The following CYB561D2 variants were observed in gnomAD, a reference collection of about 807,000 sequenced individuals.
CYB561D2 encodes the protein cytochrome b561 family member D2.
CYB561D2 carries 16 observed loss-of-function variants against 20.2 expected under a neutral mutation model. The observed-to-expected ratio is 0.79, with a 90% CI of 0.53 to 1.20. The LOEUF (loss-of-function observed/expected upper bound fraction) is 1.20, where lower values mean the gene tolerates loss of function less well. Ranked by LOEUF, CYB561D2 falls within the 50% of genes most tolerant of loss-of-function variation. The pLI is 0.00. For missense variants in CYB561D2, 247 were observed against 270.3 expected (o/e 0.91, Z 0.60); for synonymous variants, 135 against 128.3 (o/e 1.05, Z -0.35).
At chr3:50,352,542 T>C (rs1703794003) in intron 3 of CYB561D2, among the ~76,000 whole-genome samples, 1 of 148,356 alleles carries the variant, frequency 6.7e-6, no homozygotes, top group African/African-American at 2.5e-5. Context: ...AAAAATTAGC[T>C]GGGTGTGGTG....
chr3:50,351,680 G>C (rs1703767611), intron 2 of CYB561D2, 120 bp downstream of exon 2: 1 of 1,381,480 alleles, frequency 7.2e-7, no homozygotes, highest in African/African-American at 1.4e-5. Context: ...CTGGAGCGAT[G>C]AGTGAGGTGG....
Position 50,350,869 on chromosome 3 carries a change from G to A in CYB561D2, c.-141G>A. On this transcript the variant is annotated 5_prime_UTR_variant, in exon 1 of 4. Transcript: ENST00000425346. The surrounding 1 kb of genome is among the most constrained non-coding windows in gnomAD (Gnocchi z 5.7). ...AGGAAGTCCTGGGTGGGTAGACGTC[G>A]CACCCGGAAGTAAAGCGGCTCCGTG... is the stretch of plus-strand genomic sequence containing the variant. 1.4e-6 allele frequency: 2 copies of A among 1,403,020 alleles called. No individual in the cohort carries two copies. Among genetic ancestry groups the A allele is most frequent in the East Asian group, 2.7e-5 (1 of 37,178 alleles). The allele number at this position is 1,403,020 out of a possible 1,614,324, so 86.9% of individuals were successfully genotyped here.
intron 3 of CYB561D2, among the ~76,000 whole-genome samples, chr3:50,352,968 A>G (rs1703806831): frequency 6.6e-6 from 1 of 152,212 alleles, no homozygotes. Flanking sequence ...TATAACTGCC[A>G]CATCTCAAAC....
In CYB561D2 at chr3:50,351,024, T is replaced by C. The variant is rs1231610545; in HGVS notation, c.-26+40T>C. On this transcript the variant is annotated intron_variant, in intron 1 of 3. Coordinates refer to ENST00000425346, the MANE Select transcript of CYB561D2 (RefSeq NM_001291284.2). ...TGGAGGGGCAGCATGCTGGCAGCAC[T>C]TGGGGAGGCGGTGCGCTAAGGGATT... 8 of 698,208 alleles carry C rather than the reference T, an allele frequency of 1.1e-5. No individual in the cohort carries two copies. In the Admixed American group the frequency reaches 2.5e-4, roughly 22 times the overall value. 43.3% of individuals were successfully genotyped at this position (698,208 alleles called of 1,614,324 possible).
chr3:50,351,613 G>A, intron 2 of CYB561D2, 53 bp downstream of exon 2: 2 of 1,583,200 alleles, frequency 1.3e-6, no homozygotes, highest in South Asian at 2.3e-5. Flanking sequence ...CTGTTCCTGG[G>A]GAGGAAGGGC....
At chr3:50,351,086 T>C in intron 1 of CYB561D2, 102 bp downstream of exon 1, 1 of 448,070 alleles carries the variant, frequency 2.2e-6, no homozygotes, top group South Asian at 3.4e-5. Context: ...GAACTACAAT[T>C]TCCATAGTGC....
chr3:50,351,172 G>C, intron 1 of CYB561D2, 188 bp downstream of exon 1: 1 of 521,290 alleles, frequency 1.9e-6, no homozygotes, highest in South Asian at 3.0e-5. Flanking sequence ...ACATGGCTTT[G>C]CGCCTCCTAC....
At position 50,352,883 on chromosome 3, in the gene CYB561D2, T is replaced by C. The variant is rs368361279; in HGVS notation, c.166-358T>C. ...ATGCACCTAACTTTCCCTGAAACAG[T>C]GCACCCATGTGGCCAGCTCTTGCCA... On this transcript the variant is annotated intron_variant, in intron 3 of 3. Transcript: ENST00000425346. Among the ~76,000 whole-genome samples the C allele has an allele frequency of 2.6e-4, 39 of 152,282 alleles. No homozygotes were observed. The South Asian group carries it at 8.1e-3, about 32-fold the overall frequency.
chr3:50,350,912 G>C lies in CYB561D2; in HGVS notation c.-98G>C. ...GCTCCGTGACGGAGCGGCGGTGCGCGCGGCAGGGCCCGGAGTATCCCGCTT... is the reference window on the plus strand; with the variant it reads ...GCTCCGTGACGGAGCGGCGGTGCGCCCGGCAGGGCCCGGAGTATCCCGCTT... On this transcript the variant is annotated 5_prime_UTR_variant, in exon 1 of 4. Coordinates refer to ENST00000425346, the MANE Select transcript of CYB561D2 (RefSeq NM_001291284.2). The surrounding 1 kb of genome is among the most constrained non-coding windows in gnomAD (Gnocchi z 5.7). 3 of 1,394,558 alleles carry C rather than the reference G, an allele frequency of 2.2e-6. No individual in the cohort carries two copies. Among genetic ancestry groups the C allele is most frequent in the Non-Finnish European group, 2.8e-6 (3 of 1,079,158 alleles). The allele number at this position is 1,394,558 out of a possible 1,614,324, so 86.4% of individuals were successfully genotyped here.
Position 50,353,844 on chromosome 3 carries a change from G to A in CYB561D2, c.*100G>A, listed in dbSNP as rs1703826896. 7.1e-7 allele frequency: 1 copy of A among 1,411,180 alleles called. No homozygotes were observed. Among genetic ancestry groups the A allele is most frequent in the East Asian group, 2.3e-5 (1 of 43,242 alleles). 87.4% of individuals were successfully genotyped at this position (1,411,180 alleles called of 1,614,324 possible). A position where few individuals can be genotyped will look rare whatever the true frequency, so the allele number is the denominator to read the frequency against. On this transcript the variant is annotated 3_prime_UTR_variant, in exon 4 of 4. Coordinates refer to ENST00000425346, the MANE Select transcript of CYB561D2 (RefSeq NM_001291284.2). ...CTCAGCTGAGTCAGGGGACACCTCAGGCACTGGGACAGTTGGGCATTTGGA... is the reference window on the plus strand; with the variant it reads ...CTCAGCTGAGTCAGGGGACACCTCAAGCACTGGGACAGTTGGGCATTTGGA...
At position 50,350,890 on chromosome 3, in the gene CYB561D2, C is replaced by A; in HGVS notation, c.-120C>A. Reference sequence around the variant, plus strand: ...CGTCGCACCCGGAAGTAAAGCGGCTCCGTGACGGAGCGGCGGTGCGCGCGG... The same window carrying A: ...CGTCGCACCCGGAAGTAAAGCGGCTACGTGACGGAGCGGCGGTGCGCGCGG... On this transcript the variant is annotated 5_prime_UTR_variant, in exon 1 of 4. Transcript: ENST00000425346. This position sits in a 1 kb window ranked among gnomAD's most constrained non-coding sequence, Gnocchi z 5.7. The A allele has an allele frequency of 7.1e-7, 1 of 1,399,178 alleles. No individual in the cohort carries two copies. The highest frequency in any genetic ancestry group is 9.2e-7 in the Non-Finnish European group (1 of 1,082,452). The allele number at this position is 1,399,178 out of a possible 1,614,324, so 86.7% of individuals were successfully genotyped here. A position where few individuals can be genotyped will look rare whatever the true frequency, so the allele number is the denominator to read the frequency against.
Position 50,352,010 on chromosome 3 carries a change from C to A in CYB561D2, c.129C>A (p.Ser43Arg), listed in dbSNP as rs757147135. The A allele has an allele frequency of 4.3e-6, 7 of 1,613,984 alleles. No individual in the cohort carries two copies. In the South Asian group the frequency reaches 7.7e-5, roughly 18 times the overall value. The change falls in exon 3 of 4, where the codon AGC becomes AGA. Residue 43 changes from serine (S) to arginine (R), a missense_variant and splice_region_variant. Physicochemically the swap from Ser to Arg is moderately radical, Grantham distance 110 (BLOSUM62 -1). Transcript: ENST00000425346. ...TGAGGCCTCCTCTTCTCATTCCAGGCCTGTTCTCCTGGCACCCGGTGCTTA... is the reference window on the plus strand; with the variant it reads ...TGAGGCCTCCTCTTCTCATTCCAGGACTGTTCTCCTGGCACCCGGTGCTTA... ...FVAVLARPGS[S>R]LFSWHPVLMS...
At chr3:50,351,689 G>A in intron 2 of CYB561D2, 129 bp downstream of exon 2, 1 of 1,334,110 alleles carries the variant, frequency 7.5e-7, no homozygotes, top group East Asian at 2.4e-5. Flanking sequence ...TGAGTGAGGT[G>A]GAGCAGGTAG....
Position 50,351,430 on chromosome 3 carries a change from G to A in CYB561D2, c.-4G>A, listed in dbSNP as rs748039801. On this transcript the variant is annotated 5_prime_UTR_variant, in exon 2 of 4. Coordinates refer to ENST00000425346, the MANE Select transcript of CYB561D2 (RefSeq NM_001291284.2). Reference sequence around the variant, plus strand: ...TCAGGCTACAACCACTAGCACGGCTGACGATGGCCCTTTCTGCGGAGACCG... The same window carrying A: ...TCAGGCTACAACCACTAGCACGGCTAACGATGGCCCTTTCTGCGGAGACCG... 3 of 1,613,320 alleles carry A rather than the reference G, an allele frequency of 1.9e-6. No homozygotes were observed. The highest frequency in any genetic ancestry group is 8.5e-7 in the Non-Finnish European group (1 of 1,179,708).
At position 50,353,317 on chromosome 3, in the gene CYB561D2, G is replaced by A. The variant is rs1703814203; in HGVS notation, c.242G>A (p.Gly81Asp). The A allele has an allele frequency of 1.9e-6, 3 of 1,609,772 alleles. No individual in the cohort carries two copies. Among genetic ancestry groups the A allele is most frequent in the Non-Finnish European group, 1.7e-6 (2 of 1,176,866 alleles). ...CTGCTGCACTCCCTCTCACGGAAAGGCCGAGCACGCTGCCACTGGGTGCTG... is the reference window on the plus strand; with the variant it reads ...CTGCTGCACTCCCTCTCACGGAAAGACCGAGCACGCTGCCACTGGGTGCTG... ...SSLLHSLSRK[G>D]RARCHWVLQL... Residue 81 changes from glycine to aspartate, a missense_variant, in exon 4 of 4, where the codon GGC becomes GAC. Transcript: ENST00000425346.
chr3:50,351,578 C>G lies in CYB561D2; in HGVS notation c.127+18C>G. On this transcript the variant is annotated intron_variant, in intron 2 of 3. Transcript: ENST00000425346. ...TGGCTCCAGTAAGTAGAATTCATAG[C>G]TGACTTCTGGGAAGGGAAGGGCCAC... The G allele has an allele frequency of 6.2e-7, 1 of 1,605,850 alleles. No individual in the cohort carries two copies. The highest frequency in any genetic ancestry group is 8.5e-7 in the Non-Finnish European group (1 of 1,174,486).
intron 1 of CYB561D2, 75 bp from the exon 2 acceptor site, chr3:50,351,334 G>T: frequency 6.7e-7 from 1 of 1,489,340 alleles, no homozygotes. Flanking sequence ...TGGCATTCCT[G>T]CCTTGCAGCC....
Position 50,353,830 on chromosome 3 carries a change from C to A in CYB561D2, c.*86C>A. 6.8e-7 allele frequency: 1 copy of A among 1,464,192 alleles called. No homozygotes were observed. The highest frequency in any genetic ancestry group is 1.3e-5 in the South Asian group (1 of 76,098). The allele number at this position is 1,464,192 out of a possible 1,614,324, so 90.7% of individuals were successfully genotyped here. A position where few individuals can be genotyped will look rare whatever the true frequency, so the allele number is the denominator to read the frequency against. On this transcript the variant is annotated 3_prime_UTR_variant, in exon 4 of 4. Transcript: ENST00000425346. ...ACCTGTTGAACTCTCTCAGCTGAGT[C>A]AGGGGACACCTCAGGCACTGGGACA...
At position 50,350,916 on chromosome 3, in the gene CYB561D2, C is replaced by T. The variant is rs1703738601; in HGVS notation, c.-94C>T. 7.2e-7 allele frequency: 1 copy of T among 1,393,250 alleles called. No individual in the cohort carries two copies. The highest frequency in any genetic ancestry group is 9.3e-7 in the Non-Finnish European group (1 of 1,078,122). The allele number at this position is 1,393,250 out of a possible 1,614,324, so 86.3% of individuals were successfully genotyped here. On this transcript the variant is annotated 5_prime_UTR_variant, in exon 1 of 4. Transcript: ENST00000425346. The surrounding 1 kb of genome is among the most constrained non-coding windows in gnomAD (Gnocchi z 5.7). The stretch of plus-strand genomic sequence containing the variant: ...CGTGACGGAGCGGCGGTGCGCGCGG[C>T]AGGGCCCGGAGTATCCCGCTTTCTT...
Sources: gnomAD v4.1 joint callset for allele counts (sites outside exome capture counted in the v4.1 genomes callset) on GRCh38, gnomAD v4.1.1 for gene constraint, Gnocchi (gnomAD v3.1) non-coding constraint, MANE v1.5 for transcripts, NCBI Gene and HGNC (gene_info 2026-07-23, HGNC 2026-07-21) for gene names.